TNS3: variants seen among roughly 807,000 people sequenced by gnomAD.
TNS3 encodes the protein tensin 3.
In TNS3, 45 loss-of-function variants were observed where a neutral mutation model predicts 140.9. The ratio of observed to expected loss-of-function variants is 0.32; its 90% CI spans 0.25 to 0.41. The LOEUF is 0.41. Ranked by LOEUF, TNS3 falls within the 10% of genes least tolerant of loss-of-function variation. The pLI, the probability that TNS3 is intolerant of heterozygous loss-of-function variation, is 1.00. For missense variants in TNS3, 1,716 were observed against 1,906.7 expected, an observed-to-expected ratio of 0.90 and a Z score of 1.86; for synonymous variants, 815 against 788.4, an observed-to-expected ratio of 1.03 and a Z score of -0.56.
intron 2 of TNS3, among the ~76,000 whole-genome samples, chr7:47,527,686 G>A (rs1799248165): frequency 6.6e-6 from 1 of 152,184 alleles, no homozygotes; most frequent in Non-Finnish European, 1.5e-5. Flanking sequence ...GCTAAGGCAG[G>A]AGAATCACTT....
In TNS3 at chr7:47,439,641, G is replaced by A. The variant is rs577568040; in HGVS notation, c.-5C>T. 6.2e-7 allele frequency: 1 copy of A among 1,613,986 alleles called. No individual in the cohort carries two copies. On this transcript the variant is annotated 5_prime_UTR_variant, in exon 6 of 31. Coordinates refer to ENST00000311160, the MANE Select transcript of TNS3 (RefSeq NM_022748.12). Reference sequence around the variant, plus strand: ...CAGCCCATGGCCCTCCTCCATGGTGGGACTCAGGATGACGGGCCTGCGAGA... The same window carrying A: ...CAGCCCATGGCCCTCCTCCATGGTGAGACTCAGGATGACGGGCCTGCGAGA...
At chr7:47,431,364 G>A (rs2151513459) in intron 8 of TNS3, among the ~76,000 whole-genome samples, 1 of 152,308 alleles carries the variant, frequency 6.6e-6, no homozygotes, top group Non-Finnish European at 1.5e-5. Context: ...GGAGGCCGAG[G>A]TGGGTGGATC....
chr7:47,456,157 G>A (rs1230446272), intron 4 of TNS3, among the ~76,000 whole-genome samples: 3 of 152,218 alleles, frequency 2.0e-5, no homozygotes, highest in African/African-American at 7.2e-5. Context: ...GACGACATAG[G>A]TGGAAATGTC....
intron 27 of TNS3, among the ~76,000 whole-genome samples, chr7:47,285,755 T>A (rs1785386013): frequency 4.6e-5 from 7 of 152,196 alleles, no homozygotes; most frequent in Admixed American, 4.6e-4. Context: ...ATAGGATAGC[T>A]AACCTTCAGG....
At chr7:47,542,077 T>C (rs542614864) in intron 1 of TNS3, among the ~76,000 whole-genome samples, 1 of 152,102 alleles carries the variant, frequency 6.6e-6, no homozygotes, top group African/African-American at 2.4e-5. Flanking sequence ...GGGAGTTATG[T>C]GCAGTGGAGA....
intron 13 of TNS3, chr7:47,405,518 C>G: frequency 1.4e-6 from 1 of 703,000 alleles, no homozygotes; most frequent in Non-Finnish European, 2.6e-6. Flanking sequence ...TCACTTGGAG[C>G]TGAAAATGAC....
chr7:47,327,315 TTTGC>T (rs1193334269), intron 20 of TNS3, among the ~76,000 whole-genome samples: 1 of 152,264 alleles, frequency 6.6e-6, no homozygotes, highest in Non-Finnish European at 1.5e-5. Flanking sequence ...AAATACTCTC[TTTGC>T]TTGCTTCAAC....
intron 20 of TNS3, among the ~76,000 whole-genome samples, chr7:47,324,017 G>A (rs867022411): frequency 2.6e-4 from 40 of 152,276 alleles, no homozygotes; most frequent in African/African-American, 8.7e-4. Context: ...AACTGATGTT[G>A]GCATGTGTTA....
At chr7:47,287,181 C>T (rs1419803777) in intron 27 of TNS3, among the ~76,000 whole-genome samples, 2 of 151,754 alleles carry the variant, frequency 1.3e-5, no homozygotes, top group African/African-American at 4.8e-5. Flanking sequence ...TAGAAGGCTA[C>T]TGAAAAGAAG....
intron 16 of TNS3, among the ~76,000 whole-genome samples, chr7:47,393,501 T>C (rs934783378): frequency 3.3e-5 from 5 of 152,134 alleles, no homozygotes; most frequent in African/African-American, 1.2e-4. Context: ...AGATTCCGTG[T>C]GGCGGGTTCT....
At chr7:47,329,540 G>C (rs543030237) in intron 20 of TNS3, among the ~76,000 whole-genome samples, 1 of 152,154 alleles carries the variant, frequency 6.6e-6, no homozygotes, top group Non-Finnish European at 1.5e-5. Context: ...CCACCGCTCC[G>C]CACATGGGCC....
At chr7:47,543,368 C>T (rs1322313250) in intron 1 of TNS3, among the ~76,000 whole-genome samples, 4 of 152,216 alleles carry the variant, frequency 2.6e-5, no homozygotes, top group Non-Finnish European at 4.4e-5. Context: ...AGAGGACTTT[C>T]GGTACGTCAA....
In TNS3 at chr7:47,446,688, C is replaced by CTTTTT. The variant is rs144042398; in HGVS notation, c.-75-4638_-75-4634dup. Reference sequence around the variant, plus strand: ...CAAAGACCGCCCTGTTCCAGGCTGCCTTTTTTTTTTTTTTTTTTTTTTTTT... The same window carrying CTTTTT: ...CAAAGACCGCCCTGTTCCAGGCTGCCTTTTTTTTTTTTTTTTTTTTTTTTTTTTTT... On this transcript the variant is annotated intron_variant, in intron 4 of 30. Coordinates refer to ENST00000311160, the MANE Select transcript of TNS3 (RefSeq NM_022748.12). 2.4e-3 allele frequency among the ~76,000 whole-genome samples: 229 copies of CTTTTT among 96,652 alleles called. 18 individuals are homozygous for CTTTTT. The highest frequency in any genetic ancestry group is 8.2e-3 in the African/African-American group (181 of 21,998). 63.4% of individuals were successfully genotyped at this position (96,652 alleles called of 152,430 possible).
chr7:47,449,460 C>T (rs1584687040), intron 4 of TNS3, among the ~76,000 whole-genome samples: 1 of 152,316 alleles, frequency 6.6e-6, no homozygotes, highest in East Asian at 1.9e-4. Flanking sequence ...TAGAATGCTC[C>T]TCATTCATGT....
At chr7:47,538,440 A>G (rs1176908163) in intron 1 of TNS3, among the ~76,000 whole-genome samples, 2 of 152,110 alleles carry the variant, frequency 1.3e-5, no homozygotes, top group Non-Finnish European at 2.9e-5. Context: ...GCCTAGGAGC[A>G]GTGTCCCAGA....
chr7:47,410,586 G>A (rs889131028), intron 13 of TNS3, among the ~76,000 whole-genome samples: 5 of 152,202 alleles, frequency 3.3e-5, no homozygotes, highest in African/African-American at 1.2e-4. Flanking sequence ...TCGCTGATTT[G>A]ATTTTTGTAA....
intron 4 of TNS3, among the ~76,000 whole-genome samples, chr7:47,442,534 TA>T (rs1245958922): frequency 6.6e-6 from 1 of 152,254 alleles, no homozygotes; most frequent in African/African-American, 2.4e-5. Flanking sequence ...TATAGTTATA[TA>T]ACTCTTCCTT....
chr7:47,347,538 C>T (rs1248517828), intron 17 of TNS3, among the ~76,000 whole-genome samples: 1 of 151,954 alleles, frequency 6.6e-6, no homozygotes, highest in African/African-American at 2.4e-5. Flanking sequence ...CTCCACTGCC[C>T]GACCCTACCA....
At chr7:47,365,443 T>C (rs1250214088) in intron 17 of TNS3, among the ~76,000 whole-genome samples, 40 of 137,698 alleles carry the variant, frequency 2.9e-4, no homozygotes, top group African/African-American at 1.1e-3. Context: ...AGACTCCATC[T>C]CAAAAAAAAA....
Sources: allele counts gnomAD v4.1 joint callset (sites outside exome capture counted in the v4.1 genomes callset), GRCh38; gene constraint gnomAD v4.1.1; transcripts MANE v1.5; gene names NCBI Gene and HGNC (gene_info 2026-07-23, HGNC 2026-07-21).